Variants in SUPT3H observed in about 807,000 individuals in gnomAD.
SUPT3H encodes the protein SPT3 homolog, SAGA and STAGA complex component.
Under a neutral mutation model 44.3 loss-of-function variants are expected in SUPT3H, and 44 were observed. The ratio of observed to expected loss-of-function variants is 0.99; its 90% CI spans 0.78 to 1.28. The LOEUF is 1.28. Among genes scored for constraint, SUPT3H ranks in the 50% most tolerant of loss-of-function variants. SUPT3H has a pLI of 0.00. For synonymous variants in SUPT3H, 124 were observed against 125.6 expected (o/e 0.99, Z 0.09); for missense variants, 380 against 387.1 (o/e 0.98, Z 0.15).
In SUPT3H at chr6:45,230,077, G is replaced by A. The variant is rs142654199; in HGVS notation, c.102-124071C>T. Among the ~76,000 whole-genome samples, 1,379 of 152,166 alleles carry A rather than the reference G, an allele frequency of 9.1e-3. 15 individuals carry two copies. Among genetic ancestry groups the A allele is most frequent in the South Asian group, 0.028 (137 of 4,814 alleles). On this transcript the variant is annotated intron_variant, in intron 2 of 10. Coordinates refer to ENST00000371459, the MANE Select transcript of SUPT3H (RefSeq NM_003599.4). ...TAGTCCCAGATATGAGTGATAACATGTGGTATTTGTCTTTCTGTATCTGGC... is the reference window on the plus strand; with the variant it reads ...TAGTCCCAGATATGAGTGATAACATATGGTATTTGTCTTTCTGTATCTGGC...
intron 2 of SUPT3H, among the ~76,000 whole-genome samples, chr6:45,178,447 C>T (rs554737919): frequency 0.018 from 2,692 of 152,042 alleles, 38 homozygotes; most frequent in South Asian, 0.04. Flanking sequence ...GAGACTTAGA[C>T]TCCCACACAT....
chr6:45,233,234 C>A (rs1768417038), intron 2 of SUPT3H, among the ~76,000 whole-genome samples: 1 of 152,184 alleles, frequency 6.6e-6, no homozygotes, highest in Non-Finnish European at 1.5e-5. Context: ...CTGGGTCCAG[C>A]CAGCGCTGTG....
At chr6:45,349,404 G>A (rs566353283) in intron 2 of SUPT3H, among the ~76,000 whole-genome samples, 42 of 152,206 alleles carry the variant, frequency 2.8e-4, no homozygotes, top group African/African-American at 9.9e-4. Flanking sequence ...TTGATAAATC[G>A]GGGCACTACA....
chr6:45,002,790 T>C (rs1250065539), intron 6 of SUPT3H, among the ~76,000 whole-genome samples: 1 of 152,126 alleles, frequency 6.6e-6, no homozygotes, highest in African/African-American at 2.4e-5. Context: ...ATAAAGCATG[T>C]ATGTCTACTG....
intron 3 of SUPT3H, among the ~76,000 whole-genome samples, chr6:45,043,142 T>TACACAC (rs59321114): frequency 0.14 from 20,614 of 146,698 alleles, 1,589 homozygotes; most frequent in Middle Eastern, 0.21. Context: ...CATACACACA[T>TACACAC]ACACACACAC....
intron 3 of SUPT3H, among the ~76,000 whole-genome samples, chr6:45,050,278 A>ATAGTGTGTGTGT (rs141128120): frequency 6.8e-6 from 1 of 147,318 alleles, no homozygotes; most frequent in Non-Finnish European, 1.5e-5. Context: ...CTTTTTCTGC[A>ATAGTGTGTGTGT]GTGTGTGTGT....
At chr6:45,162,115 C>T (rs1809087876) in intron 2 of SUPT3H, among the ~76,000 whole-genome samples, 1 of 151,990 alleles carries the variant, frequency 6.6e-6, no homozygotes, top group East Asian at 1.9e-4. Flanking sequence ...TTTTCACATT[C>T]CCCAACCTGA....
chr6:44,901,366 C>T (rs1172975992), intron 10 of SUPT3H, among the ~76,000 whole-genome samples: 3 of 152,096 alleles, frequency 2.0e-5, no homozygotes, highest in South Asian at 2.1e-4. Flanking sequence ...ACAAGAACTA[C>T]GTGACGAATG....
intron 10 of SUPT3H, among the ~76,000 whole-genome samples, chr6:44,928,444 G>A (rs539055855): frequency 4.6e-5 from 7 of 152,252 alleles, no homozygotes; most frequent in Admixed American, 2.0e-4. Flanking sequence ...GTGTATTTCA[G>A]GAGAAAGTGT....
chr6:45,293,586 T>C (rs1288469439), intron 2 of SUPT3H, among the ~76,000 whole-genome samples: 1 of 151,820 alleles, frequency 6.6e-6, no homozygotes, highest in Non-Finnish European at 1.5e-5. Context: ...TGAGAGACCA[T>C]TAACAAGATT....
chr6:45,270,001 C>T (rs1775867597), intron 2 of SUPT3H, among the ~76,000 whole-genome samples: 1 of 152,092 alleles, frequency 6.6e-6, no homozygotes, highest in Admixed American at 6.5e-5. Flanking sequence ...ATAGATTTGC[C>T]TATTCTAGAT....
At chr6:45,308,230 A>G (rs4278013) in intron 2 of SUPT3H, among the ~76,000 whole-genome samples, 149,061 of 152,160 alleles carry the variant, frequency 0.98, 73,023 homozygotes, top group Middle Eastern at 1. Flanking sequence ...AACATGCAAA[A>G]TCAGGAAATA....
At chr6:45,009,617 A>C (rs969451180) in intron 5 of SUPT3H, among the ~76,000 whole-genome samples, 1 of 152,084 alleles carries the variant, frequency 6.6e-6, no homozygotes, top group South Asian at 2.1e-4. Context: ...ATATCAACTG[A>C]TCCTAAATGC....
At chr6:45,022,431 T>A (rs1330323810) in intron 3 of SUPT3H, among the ~76,000 whole-genome samples, 1 of 151,534 alleles carries the variant, frequency 6.6e-6, no homozygotes, top group Non-Finnish European at 1.5e-5. Context: ...TTTTTTTTTT[T>A]TTATTTTCAG....
chr6:44,952,337 G>T (rs1235178274), intron 9 of SUPT3H, among the ~76,000 whole-genome samples: 7 of 152,146 alleles, frequency 4.6e-5, no homozygotes, highest in African/African-American at 1.7e-4. Flanking sequence ...TAGAAAAAGG[G>T]TTTATAGTTT....
chr6:45,182,091 A>C (rs1002983019), intron 2 of SUPT3H, among the ~76,000 whole-genome samples: 9 of 152,036 alleles, frequency 5.9e-5, no homozygotes, highest in African/African-American at 1.9e-4. Flanking sequence ...TATGCACCAA[A>C]GGTGCTGGAG....
At chr6:45,312,542 C>T (rs1265372295) in intron 2 of SUPT3H, among the ~76,000 whole-genome samples, 2 of 148,816 alleles carry the variant, frequency 1.3e-5, no homozygotes, top group Non-Finnish European at 3.0e-5. Flanking sequence ...CAAAAAGGGA[C>T]ATTATATAAT....
At position 45,107,033 on chromosome 6, in the gene SUPT3H, T is replaced by C. The variant is rs1241252175; in HGVS notation, c.102-1027A>G. On this transcript the variant is annotated intron_variant, in intron 2 of 10. Transcript: ENST00000371459. ...AAATTTATGTAAATACCATTGAATATGACTTGGAATTATATAGAAGCAGAT... is the reference window on the plus strand; with the variant it reads ...AAATTTATGTAAATACCATTGAATACGACTTGGAATTATATAGAAGCAGAT... Among the ~76,000 whole-genome samples the C allele has an allele frequency of 3.3e-5, 5 of 152,320 alleles. No individual in the cohort carries two copies. In the South Asian group the frequency reaches 6.2e-4, roughly 19 times the overall value.
chr6:45,037,798 C>CA (rs1787909445), intron 3 of SUPT3H, among the ~76,000 whole-genome samples: 1 of 148,936 alleles, frequency 6.7e-6, no homozygotes, highest in South Asian at 2.1e-4. Flanking sequence ...GAGCGAAACT[C>CA]AGTCTCAAAA....
Sources: allele counts gnomAD v4.1 joint callset (sites outside exome capture counted in the v4.1 genomes callset), GRCh38; gene constraint gnomAD v4.1.1; transcripts MANE v1.5; gene names NCBI Gene and HGNC (gene_info 2026-07-23, HGNC 2026-07-21).